ZP4: variants seen among roughly 807,000 people sequenced by gnomAD.
ZP4 encodes zona pellucida glycoprotein 4.
ZP4 carries 62 observed loss-of-function variants against 62.3 expected under a neutral mutation model. The ratio of observed to expected loss-of-function variants is 0.99; its 90% CI spans 0.81 to 1.23. The LOEUF is 1.23. ZP4 is among the 50% of genes most tolerant of loss of function. The pLI is 0.00. For missense variants in ZP4, 774 were observed against 656.0 expected (o/e 1.18, Z -1.97); for synonymous variants, 289 against 247.3 (o/e 1.17, Z -1.58).
intron 6 of ZP4, among the ~76,000 whole-genome samples, chr1:237,886,519 A>G (rs1229276988): frequency 6.6e-6 from 1 of 152,170 alleles, no homozygotes; most frequent in South Asian, 2.1e-4. Flanking sequence ...GAAATGTAGA[A>G]TGGAGAAGGC....
chr1:237,883,233 A>T (rs1664956913), intron 10 of ZP4, among the ~76,000 whole-genome samples: 1 of 152,158 alleles, frequency 6.6e-6, no homozygotes, highest in Non-Finnish European at 1.5e-5. Flanking sequence ...GTGAAGTAAA[A>T]CAAATTTCAT....
At position 237,885,228 on chromosome 1, in the gene ZP4, G is replaced by A. The variant is rs1240739722; in HGVS notation, c.1248C>T (p.Arg416=). Residue 416 remains arginine, a synonymous_variant, in exon 9 of 12, where the codon CGC becomes CGT. Coordinates refer to ENST00000366570, the MANE Select transcript of ZP4 (RefSeq NM_021186.5). ...CAAAGCTGAAGGTGAAGATGCTGAAGCGCTGGTGGTGAGAGGGAAATGGAA... is the reference window on the plus strand; with the variant it reads ...CAAAGCTGAAGGTGAAGATGCTGAAACGCTGGTGGTGAGAGGGAAATGGAA... ...LDLPFPSHHQ[R]FSIFTFSFVN... The A allele has an allele frequency of 2.5e-6, 4 of 1,614,186 alleles. No homozygotes were observed. Among genetic ancestry groups the A allele is most frequent in the Admixed American group, 1.7e-5 (1 of 60,028 alleles).
At chr1:237,883,999 C>A (rs867736163) in intron 10 of ZP4, among the ~76,000 whole-genome samples, 1,203 of 84,790 alleles carry the variant, frequency 0.014, 17 homozygotes, top group South Asian at 0.032. Flanking sequence ...CACACACACA[C>A]ACACACACAC....
chr1:237,890,400 T>C (rs1665212623), intron 1 of ZP4, 61 bp downstream of exon 1: 2 of 1,555,814 alleles, frequency 1.3e-6, no homozygotes, highest in African/African-American at 1.4e-5. Flanking sequence ...TAGGGAGACA[T>C]CTTAGGTAGT....
At chr1:237,884,043 A>AAACACACACACAAACACAC (rs1558531261) in intron 10 of ZP4, among the ~76,000 whole-genome samples, 4 of 104,822 alleles carry the variant, frequency 3.8e-5, no homozygotes, top group African/African-American at 2.2e-4. Context: ...AACACACACA[A>AAACACACACACAAACACAC]ACACACACAA....
intron 8 of ZP4, 33 bp from the exon 9 acceptor site, chr1:237,885,348 T>C (rs992004690): frequency 6.2e-7 from 1 of 1,611,812 alleles, no homozygotes; most frequent in East Asian, 2.2e-5. Flanking sequence ...CAGGATGGGC[T>C]TCTTTGAGAA....
chr1:237,885,400 A>C lies in ZP4; in HGVS notation c.1151T>G (p.Leu384Arg). ...TGAAAGAACCACTTACCCCTTTACC[A>C]GGATGGGCCACTGTGGCTGACTCAG... ...DPLSQPQWPI[L>R]VKGCPYIGDN... The change falls in exon 8 of 12, where the codon CTG (leucine) becomes CGG (arginine). Residue 384 changes from leucine (L) to arginine (R), a missense_variant. Leu to Arg is a moderately radical substitution (Grantham distance 102). Coordinates refer to ENST00000366570, the MANE Select transcript of ZP4 (RefSeq NM_021186.5). 6.2e-7 allele frequency: 1 copy of C among 1,611,214 alleles called. No individual in the cohort carries two copies. The highest frequency in any genetic ancestry group is 8.5e-7 in the Non-Finnish European group (1 of 1,178,540).
Position 237,885,199 on chromosome 1 carries a change from T to G in ZP4, c.1277A>C (p.Asn426Thr). The G allele has an allele frequency of 6.2e-7, 1 of 1,613,928 alleles. No individual in the cohort carries two copies. Among genetic ancestry groups the G allele is most frequent in the South Asian group, 1.1e-5 (1 of 91,074 alleles). The part of the protein sequence containing the change: ...RFSIFTFSFV[N>T]PTVEKQALRG... Reference sequence around the variant, plus strand: ...GAGGGCCTGTTTCTCCACTGTAGGGTTCACAAAGCTGAAGGTGAAGATGCT... The same window carrying G: ...GAGGGCCTGTTTCTCCACTGTAGGGGTCACAAAGCTGAAGGTGAAGATGCT... Residue 426 changes from asparagine (N) to threonine (T), a missense_variant, in exon 9 of 12, where the codon AAC becomes ACC. Coordinates refer to ENST00000366570, the MANE Select transcript of ZP4 (RefSeq NM_021186.5).
chr1:237,888,388 C>G lies in ZP4; in HGVS notation c.523G>C (p.Glu175Gln). The change falls in exon 4 of 12, where the codon GAG (glutamate) becomes CAG (glutamine). Residue 175 changes from glutamate to glutamine, a missense_variant. By Grantham distance (29) the Glu-to-Gln change is conservative (BLOSUM62 2). Coordinates refer to ENST00000366570, the MANE Select transcript of ZP4 (RefSeq NM_021186.5). Reference sequence around the variant, plus strand: ...TTTCCATAGTAGCAGGAATTCACCTCTTCAGAGCTATAACAACAGCCTAGC... The same window carrying G: ...TTTCCATAGTAGCAGGAATTCACCTGTTCAGAGCTATAACAACAGCCTAGC... The part of the protein sequence containing the change: ...EGLGCCYSSE[E>Q]VNSCYYGNTV... The G allele has an allele frequency of 6.2e-7, 1 of 1,602,122 alleles. No homozygotes were observed. Among genetic ancestry groups the G allele is most frequent in the South Asian group, 1.1e-5 (1 of 89,674 alleles).
chr1:237,883,977 CACACAA>C (rs1217782887), intron 10 of ZP4, among the ~76,000 whole-genome samples: 1,547 of 39,738 alleles, frequency 0.039, 10 homozygotes, highest in South Asian at 0.12. Flanking sequence ...AACACACACA[CACACAA>C]ACACACACAC....
chr1:237,885,737 C>T lies in ZP4; in HGVS notation c.970+19G>A. 2 of 1,613,318 alleles carry T rather than the reference C, an allele frequency of 1.2e-6. No homozygotes were observed. The highest frequency in any genetic ancestry group is 1.1e-5 in the South Asian group (1 of 90,942). On this transcript the variant is annotated intron_variant, in intron 7 of 11. Coordinates refer to ENST00000366570, the MANE Select transcript of ZP4 (RefSeq NM_021186.5). ...GGATTTAGACTATAGGCCAGATACT[C>T]CAGCCAAGGGGGTCATACCTTTGGC...
At chr1:237,886,574 G>C (rs1269163351) in intron 6 of ZP4, among the ~76,000 whole-genome samples, 197 bp downstream of exon 6, 1 of 152,170 alleles carries the variant, frequency 6.6e-6, no homozygotes, top group Non-Finnish European at 1.5e-5. Context: ...CAGAACTCCA[G>C]GTGAGCTTGA....
chr1:237,883,994 ACACACACACACAC>A (rs1558530820), intron 10 of ZP4, among the ~76,000 whole-genome samples: 18 of 57,156 alleles, frequency 3.1e-4, no homozygotes, highest in East Asian at 8.1e-4. Context: ...ACACACACAC[ACACACACACACAC>A]ACACACACAA....
rs953599704 is a variant in ZP4 at position 237,885,039 on chromosome 1, C to T, written c.1311+126G>A. ...CTCATGTAATTAGTAACAAGGGTTG[C>T]TCTGAGTCAGTACCAATAGCCAGCA... On this transcript the variant is annotated intron_variant, in intron 9 of 11. Transcript: ENST00000366570. 8 of 1,380,814 alleles carry T rather than the reference C, an allele frequency of 5.8e-6. No individual in the cohort carries two copies. In the African/African-American group the frequency reaches 1.0e-4, roughly 17 times the overall value. 85.5% of individuals were successfully genotyped at this position (1,380,814 alleles called of 1,614,324 possible).
In ZP4 at chr1:237,888,508, G is replaced by A. The variant is rs199659999; in HGVS notation, c.403C>T (p.Arg135Ter). 6.1e-5 allele frequency: 97 copies of A among 1,588,462 alleles called. No individual in the cohort carries two copies. Among genetic ancestry groups the A allele is most frequent in the South Asian group, 2.0e-4 (18 of 88,218 alleles). Residue 135 changes from arginine to a stop codon, truncating the protein, a stop_gained and splice_region_variant, in exon 4 of 12, where the codon CGA (arginine) becomes TGA (stop). Transcript: ENST00000366570. LOFTEE classifies it high-confidence loss of function. ...LLKCPMDLLA[R>*]DAPDTDWCDS... ...CACCAGTCAGTATCTGGAGCATCTCGGGCTAGGTTTTGAAAAAGAGTAAGT... is the reference window on the plus strand; with the variant it reads ...CACCAGTCAGTATCTGGAGCATCTCAGGCTAGGTTTTGAAAAAGAGTAAGT...
intron 9 of ZP4, 35 bp downstream of exon 9, chr1:237,885,130 A>G (rs1263579754): frequency 6.2e-7 from 1 of 1,603,424 alleles, no homozygotes; most frequent in South Asian, 1.1e-5. Flanking sequence ...GGAGGTTCAG[A>G]GCCCTGGTGA....
intron 4 of ZP4, 100 bp downstream of exon 4, chr1:237,888,258 C>G (rs1665153311): frequency 7.7e-7 from 1 of 1,291,788 alleles, no homozygotes; most frequent in South Asian, 1.9e-5. Context: ...TGGCAGCCTG[C>G]TATCACTTGA....
rs763009640 is a variant in ZP4, at chr1:237,890,563, C to T, written c.73G>A (p.Ala25Thr). 1.9e-6 allele frequency: 3 copies of T among 1,614,072 alleles called. No individual in the cohort carries two copies. The highest frequency in any genetic ancestry group is 2.5e-6 in the Non-Finnish European group (3 of 1,180,024). ...TGGAGCACACTGGAATAATCTGGTG[C>T]CTCAGGCTTATGCTGGCCACTCACA... ...LAVSGQHKPE[A>T]PDYSSVLHCG... The change falls in exon 1 of 12, where the codon GCA becomes ACA. Residue 25 changes from alanine (A) to threonine (T), a missense_variant. Ala to Thr is a moderately conservative substitution (Grantham distance 58, BLOSUM62 0). Coordinates refer to ENST00000366570, the MANE Select transcript of ZP4 (RefSeq NM_021186.5).
At position 237,883,967 on chromosome 1, in the gene ZP4, AAC is replaced by A. The variant is rs201363836; in HGVS notation, c.1390+800_1390+801del. On this transcript the variant is annotated intron_variant, in intron 10 of 11. Coordinates refer to ENST00000366570, the MANE Select transcript of ZP4 (RefSeq NM_021186.5). ...AGAGCAAGAACTGGTCACACACACAAACACACACACACACAAACACACACACA... is the reference window on the plus strand; with the variant it reads ...AGAGCAAGAACTGGTCACACACACAAACACACACACACAAACACACACACA... 1.0e-3 allele frequency among the ~76,000 whole-genome samples: 89 copies of A among 86,552 alleles called. 4 individuals are homozygous for A. In the South Asian group the frequency reaches 0.012, roughly 12 times the overall value. The allele number at this position is 86,552 out of a possible 152,430, so 56.8% of individuals were successfully genotyped here.
Sources: allele counts gnomAD v4.1 joint callset (sites outside exome capture counted in the v4.1 genomes callset), GRCh38; gene constraint gnomAD v4.1.1; transcripts MANE v1.5; gene names NCBI Gene and HGNC (gene_info 2026-07-23, HGNC 2026-07-21).